The following TMEM132C variants were observed in gnomAD, a reference collection of about 807,000 sequenced individuals.
The protein encoded by TMEM132C is transmembrane protein 132C.
Under a neutral mutation model 61.4 loss-of-function variants are expected in TMEM132C, and 29 were observed. The ratio of observed to expected loss-of-function variants is 0.47; its 90% CI spans 0.35 to 0.64. The LOEUF (loss-of-function observed/expected upper bound fraction) is 0.64, where lower values mean the gene tolerates loss of function less well. Ranked by LOEUF, TMEM132C falls within the 30% of genes least tolerant of loss-of-function variation. The probability of loss-of-function intolerance (pLI) is 0.00; values close to 1 mark genes in which losing one functional copy is unlikely to be tolerated. For synonymous variants in TMEM132C, 656 were observed against 633.1 expected (o/e 1.04, Z -0.54); for missense variants, 1,408 against 1,476.9 (o/e 0.95, Z 0.76).
intron 2 of TMEM132C, among the ~76,000 whole-genome samples, chr12:128,479,266 T>C (rs940423005): frequency 6.6e-5 from 10 of 152,228 alleles, no homozygotes; most frequent in Admixed American, 5.9e-4. Context: ...GATACTAGGC[T>C]CGATACCTGG....
At chr12:128,560,385 C>T (rs763413961) in intron 3 of TMEM132C, among the ~76,000 whole-genome samples, 1 of 152,248 alleles carries the variant, frequency 6.6e-6, no homozygotes, top group Non-Finnish European at 1.5e-5. Flanking sequence ...TCTCCCATCA[C>T]TTGCAACTCA....
At chr12:128,470,366 T>C (rs1425018449) in intron 2 of TMEM132C, among the ~76,000 whole-genome samples, 1 of 152,244 alleles carries the variant, frequency 6.6e-6, no homozygotes, top group African/African-American at 2.4e-5. Flanking sequence ...TCAGTGTGGC[T>C]GAGTTGACTT....
In TMEM132C at chr12:128,616,333, A is replaced by G. The variant is rs1194838276; in HGVS notation, c.1303A>G (p.Met435Val). 32 of 1,551,186 alleles carry G rather than the reference A, an allele frequency of 2.1e-5. No homozygotes were observed. Among genetic ancestry groups the G allele is most frequent in the African/African-American group, 8.2e-5 (6 of 73,040 alleles). Reference sequence around the variant, plus strand: ...CCTGGTGGGCATCGTTCCCTTGGCTATGGTGAGTCCTGAGTTACCTTGGAT... The same window carrying G: ...CCTGGTGGGCATCGTTCCCTTGGCTGTGGTGAGTCCTGAGTTACCTTGGAT... Reference protein sequence around the residue: ...KDLVGIVPLAMDTEILNTAVL... With the variant: ...KDLVGIVPLAVDTEILNTAVL... The change falls in exon 4 of 9, where the codon ATG becomes GTG. Residue 435 changes from methionine (M) to valine (V), a missense_variant and splice_region_variant. Met to Val is a conservative substitution (Grantham distance 21). Transcript: ENST00000435159.
intron 2 of TMEM132C, among the ~76,000 whole-genome samples, chr12:128,456,568 G>A (rs903678669): frequency 3.3e-5 from 5 of 150,950 alleles, no homozygotes; most frequent in African/African-American, 4.9e-5. Flanking sequence ...TACCGTGCCC[G>A]GCTAATTTTT....
chr12:128,436,047 GA>G (rs1215567350), intron 2 of TMEM132C, among the ~76,000 whole-genome samples: 21 of 152,294 alleles, frequency 1.4e-4, no homozygotes, highest in African/African-American at 4.8e-4. Flanking sequence ...AAGAAATGGG[GA>G]AAGGATTCCC....
intron 1 of TMEM132C, among the ~76,000 whole-genome samples, chr12:128,378,474 A>G (rs958490379): frequency 3.3e-5 from 5 of 152,134 alleles, no homozygotes; most frequent in African/African-American, 7.2e-5. Context: ...TTCACTACCC[A>G]GTGAGGAGAT....
chr12:128,518,897 T>G (rs148502303), intron 2 of TMEM132C, among the ~76,000 whole-genome samples: 5 of 152,328 alleles, frequency 3.3e-5, no homozygotes, highest in African/African-American at 9.6e-5. Context: ...TTTGTGTCTA[T>G]TTCTCATTCT....
chr12:128,388,490 G>T (rs1874659331), intron 1 of TMEM132C, among the ~76,000 whole-genome samples: 1 of 152,164 alleles, frequency 6.6e-6, no homozygotes. Flanking sequence ...TCTTTTAACT[G>T]CTGTGTGTGC....
At chr12:128,461,242 G>C (rs542629513) in intron 2 of TMEM132C, among the ~76,000 whole-genome samples, 1 of 152,240 alleles carries the variant, frequency 6.6e-6, no homozygotes, top group African/African-American at 2.4e-5. Flanking sequence ...TGCATCAGGT[G>C]CCGCAGGAGT....
At chr12:128,513,801 A>G (rs1872640874) in intron 2 of TMEM132C, among the ~76,000 whole-genome samples, 1 of 152,206 alleles carries the variant, frequency 6.6e-6, no homozygotes, top group Non-Finnish European at 1.5e-5. Context: ...GTGTCTGGCA[A>G]AGTCCTCACA....
intron 1 of TMEM132C, among the ~76,000 whole-genome samples, chr12:128,321,717 T>C (rs1342503501): frequency 6.6e-6 from 1 of 152,248 alleles, no homozygotes; most frequent in Non-Finnish European, 1.5e-5. Flanking sequence ...AGTGTACTAT[T>C]ATTTTGTAAG....
intron 1 of TMEM132C, among the ~76,000 whole-genome samples, chr12:128,397,584 C>G (rs966168126): frequency 6.6e-6 from 1 of 152,128 alleles, no homozygotes; most frequent in Non-Finnish European, 1.5e-5. Flanking sequence ...TTTGAAATAA[C>G]AAGTTGGTCC....
chr12:128,493,556 G>T (rs937376077), intron 2 of TMEM132C, among the ~76,000 whole-genome samples: 1 of 152,050 alleles, frequency 6.6e-6, no homozygotes, highest in Admixed American at 6.6e-5. Context: ...TCCTTGAAGA[G>T]GTCCTTCACA....
intron 2 of TMEM132C, among the ~76,000 whole-genome samples, chr12:128,419,515 G>A (rs776276418): frequency 2.6e-5 from 4 of 151,874 alleles, no homozygotes; most frequent in Non-Finnish European, 4.4e-5. Context: ...TAATGCTACA[G>A]TGAAAAGTCT....
At chr12:128,682,581 ACTCT>A (rs909986936) in intron 5 of TMEM132C, among the ~76,000 whole-genome samples, 1 of 152,112 alleles carries the variant, frequency 6.6e-6, no homozygotes, top group African/African-American at 2.4e-5. Context: ...GGCCGTTAAC[ACTCT>A]CTGTGTGTAG....
chr12:128,321,904 G>A (rs67381046), intron 1 of TMEM132C, among the ~76,000 whole-genome samples: 31,108 of 152,076 alleles, frequency 0.2, 4,023 homozygotes, highest in South Asian at 0.29. Context: ...GACAGGATGT[G>A]GTGGAAGGTC....
At chr12:128,544,996 G>A (rs1593094540) in intron 3 of TMEM132C, among the ~76,000 whole-genome samples, 2 of 152,122 alleles carry the variant, frequency 1.3e-5, no homozygotes, top group African/African-American at 4.8e-5. Flanking sequence ...TAGATTCAGG[G>A]GGTACATGTG....
chr12:128,321,878 C>T (rs1446066824), intron 1 of TMEM132C, among the ~76,000 whole-genome samples: 1 of 152,160 alleles, frequency 6.6e-6, no homozygotes, highest in Non-Finnish European at 1.5e-5. Context: ...TATTGCCTAA[C>T]TCCAATGAGA....
At chr12:128,503,533 G>A (rs189115821) in intron 2 of TMEM132C, among the ~76,000 whole-genome samples, 31 of 152,352 alleles carry the variant, frequency 2.0e-4, no homozygotes, top group Non-Finnish European at 1.2e-4. Flanking sequence ...CTGAACTTCA[G>A]TGTTTCTGAC....
Sources: gnomAD v4.1 joint callset for allele counts (sites outside exome capture counted in the v4.1 genomes callset) on GRCh38, gnomAD v4.1.1 for gene constraint, MANE v1.5 for transcripts, NCBI Gene and HGNC (gene_info 2026-07-23, HGNC 2026-07-21) for gene names.